GOLPH3: variants seen among roughly 807,000 people sequenced by gnomAD.
GOLPH3 encodes coat protein GPP34.
A neutral mutation model predicts 28.5 loss-of-function variants in GOLPH3; 14 were observed. The ratio of observed to expected loss-of-function variants is 0.49; its 90% confidence interval spans 0.32 to 0.77. The LOEUF is 0.77. Ranked by LOEUF, GOLPH3 falls within the 30% of genes least tolerant of loss-of-function variation. The probability of loss-of-function intolerance (pLI) is 0.03; values close to 1 mark genes in which losing one functional copy is unlikely to be tolerated. For synonymous variants in GOLPH3, 158 were observed against 159.2 expected (o/e 0.99, Z 0.06); for missense variants, 350 against 393.7 (o/e 0.89, Z 0.94).
rs996355110 is a variant in GOLPH3, at chr5:32,173,336, G to T, written c.225+474C>A. On this transcript the variant is annotated intron_variant, in intron 1 of 3. Transcript: ENST00000265070. ...TAATTCCCAACAGTAAGCTTTAACT[G>T]AAGAAGAAGAAAAAAAAAACATCCC... is the stretch of plus-strand genomic sequence containing the variant. Among the ~76,000 whole-genome samples, 16 of 151,026 alleles carry T rather than the reference G, an allele frequency of 1.1e-4. 1 individual carries two copies. The highest frequency in any genetic ancestry group is 3.3e-4 in the Admixed American group (5 of 15,160).
chr5:32,128,371 A>G (rs185281083), intron 3 of GOLPH3, among the ~76,000 whole-genome samples: 25 of 152,320 alleles, frequency 1.6e-4, no homozygotes, highest in African/African-American at 5.5e-4. Flanking sequence ...ATAAAGATTA[A>G]AAGCGGCCAG....
At chr5:32,130,601 T>A (rs1260792732) in intron 3 of GOLPH3, among the ~76,000 whole-genome samples, 6 of 152,068 alleles carry the variant, frequency 3.9e-5, no homozygotes, top group Admixed American at 3.3e-4. Flanking sequence ...CCAAACAACA[T>A]CTACTGCCAA....
intron 3 of GOLPH3, among the ~76,000 whole-genome samples, chr5:32,128,107 C>T (rs961450796): frequency 3.3e-5 from 5 of 152,134 alleles, no homozygotes; most frequent in African/African-American, 1.2e-4. Context: ...GCAAGGTGTT[C>T]CTTGAGTCTT....
At chr5:32,156,260 GGCT>G (rs1746424322) in intron 1 of GOLPH3, among the ~76,000 whole-genome samples, 4 of 152,144 alleles carry the variant, frequency 2.6e-5, no homozygotes, top group Non-Finnish European at 5.9e-5. Context: ...CACTTTGGGA[GGCT>G]GAGGTGGGCG....
rs772479011 is a variant in GOLPH3, at chr5:32,143,739, C to T, written c.357+10G>A. ...TCTTTAAAAAGAATGTTACTCAGCA[C>T]TCCTCTTACCTTTCTTGTTAATAGA... is the stretch of plus-strand genomic sequence containing the variant. On this transcript the variant is annotated intron_variant, in intron 2 of 3. Coordinates refer to ENST00000265070, the MANE Select transcript of GOLPH3 (RefSeq NM_022130.4). 3 of 1,602,232 alleles carry T rather than the reference C, an allele frequency of 1.9e-6. No homozygotes were observed. The highest frequency in any genetic ancestry group is 1.3e-5 in the African/African-American group (1 of 74,266).
rs1414054470 is a variant in GOLPH3, at chr5:32,126,242, C to T, written c.867G>A (p.Leu289=). 1 of 1,612,660 alleles carries T rather than the reference C, an allele frequency of 6.2e-7. No homozygotes were observed. The highest frequency in any genetic ancestry group is 8.5e-7 in the Non-Finnish European group (1 of 1,178,658). ...ECLKANTNEV[L]WAVVAAFTK The stretch of plus-strand genomic sequence containing the variant: ...TGGTGAACGCCGCCACCACCGCCCA[C>T]AGAACCTCATTGGTGTTGGCCTTCA... Residue 289 remains leucine, a synonymous_variant, in exon 4 of 4, where the codon CTG becomes CTA. Coordinates refer to ENST00000265070, the MANE Select transcript of GOLPH3 (RefSeq NM_022130.4).
chr5:32,147,594 G>A (rs1020031121), intron 1 of GOLPH3, among the ~76,000 whole-genome samples: 6 of 152,028 alleles, frequency 3.9e-5, no homozygotes, highest in African/African-American at 1.4e-4. Flanking sequence ...TGGTGATTAT[G>A]GTGATCTTTA....
intron 2 of GOLPH3, among the ~76,000 whole-genome samples, chr5:32,143,498 C>T (rs984394282): frequency 1.3e-5 from 2 of 151,786 alleles, no homozygotes; most frequent in African/African-American, 4.8e-5. Context: ...TAAATAAAAG[C>T]TGCAAATGAA....
chr5:32,143,677 G>A, intron 2 of GOLPH3, 72 bp downstream of exon 2: 1 of 1,282,268 alleles, frequency 7.8e-7, no homozygotes, highest in South Asian at 1.5e-5. Context: ...ATTTTTGAAG[G>A]CTACTAGTAA....
chr5:32,159,811 AG>A (rs1451667177), intron 1 of GOLPH3, among the ~76,000 whole-genome samples: 1 of 152,234 alleles, frequency 6.6e-6, no homozygotes, highest in Non-Finnish European at 1.5e-5. Context: ...GTTTAGAGAA[AG>A]TAAGAAATAT....
chr5:32,164,522 T>C lies in GOLPH3; in HGVS notation c.225+9288A>G, dbSNP rs143493841. ...CATTCTCCTGCCTCAGCCTCCCGAGTAGCTGGGACTACAGGAGCCCGCCAG... is the reference window on the plus strand; with the variant it reads ...CATTCTCCTGCCTCAGCCTCCCGAGCAGCTGGGACTACAGGAGCCCGCCAG... On this transcript the variant is annotated intron_variant, in intron 1 of 3. Coordinates refer to ENST00000265070, the MANE Select transcript of GOLPH3 (RefSeq NM_022130.4). Among the ~76,000 whole-genome samples, 441 of 151,838 alleles carry C rather than the reference T, an allele frequency of 2.9e-3. 2 individuals are homozygous for C. Among genetic ancestry groups the C allele is most frequent in the African/African-American group, 0.01 (431 of 41,378 alleles).
At chr5:32,165,010 C>G (rs13179147) in intron 1 of GOLPH3, among the ~76,000 whole-genome samples, 17 of 150,532 alleles carry the variant, frequency 1.1e-4, no homozygotes, top group African/African-American at 3.9e-4. Context: ...TGTGATTCTC[C>G]TGCCTCAGCC....
intron 1 of GOLPH3, among the ~76,000 whole-genome samples, chr5:32,158,023 TAC>T (rs368465798): frequency 0.37 from 9,847 of 26,598 alleles, 2,295 homozygotes; most frequent in Middle Eastern, 0.48. Flanking sequence ...ATAAATAAAA[TAC>T]ACACACACAC....
chr5:32,160,968 G>A (rs932624732), intron 1 of GOLPH3, among the ~76,000 whole-genome samples: 3 of 150,602 alleles, frequency 2.0e-5, no homozygotes, highest in African/African-American at 7.4e-5. Flanking sequence ...TCGGGAGGCT[G>A]AGGCAGGAGA....
intron 2 of GOLPH3, among the ~76,000 whole-genome samples, chr5:32,142,352 G>C (rs1454090750): frequency 6.7e-6 from 1 of 149,636 alleles, no homozygotes; most frequent in East Asian, 2.0e-4. Flanking sequence ...GAGAAGTGAG[G>C]AGCCCCTCCG....
chr5:32,135,720 C>T (rs774963438), intron 2 of GOLPH3, 34 bp from the exon 3 acceptor site: 50 of 1,270,864 alleles, frequency 3.9e-5, no homozygotes, highest in Non-Finnish European at 5.2e-5. Context: ...AAAGGATCCA[C>T]GAATGCCTTT....
chr5:32,154,535 C>T (rs1047562740), intron 1 of GOLPH3, among the ~76,000 whole-genome samples: 6 of 152,144 alleles, frequency 3.9e-5, no homozygotes, highest in Admixed American at 2.6e-4. Context: ...TGGCTTGTGG[C>T]CTACAATTAT....
chr5:32,164,398 CT>C lies in GOLPH3; in HGVS notation c.225+9411del, dbSNP rs201553416. ...TTTTATACATAAGAGGAGTAAGATT[CT>C]TTTTTTTTTTTTGAGACGGAGTCTC... On this transcript the variant is annotated intron_variant, in intron 1 of 3. Transcript: ENST00000265070. 1.7e-3 allele frequency among the ~76,000 whole-genome samples: 250 copies of C among 144,080 alleles called. 1 individual carries two copies. Among genetic ancestry groups the C allele is most frequent in the East Asian group, 0.014 (72 of 4,978 alleles). The allele number at this position is 144,080 out of a possible 152,430, so 94.5% of individuals were successfully genotyped here. A position where few individuals can be genotyped will look rare whatever the true frequency, so the allele number is the denominator to read the frequency against.
intron 3 of GOLPH3, among the ~76,000 whole-genome samples, chr5:32,131,170 G>C (rs1489688166): frequency 6.6e-6 from 1 of 152,142 alleles, no homozygotes; most frequent in African/African-American, 2.4e-5. Flanking sequence ...ATCTCCTCAA[G>C]TATTAGAGAA....
Sources: gnomAD v4.1 joint callset for allele counts (sites outside exome capture counted in the v4.1 genomes callset) on GRCh38, gnomAD v4.1.1 for gene constraint, MANE v1.5 for transcripts, NCBI Gene and HGNC (gene_info 2026-07-23, HGNC 2026-07-21) for gene names.